The following PDE10A variants were observed in gnomAD, a reference collection of about 807,000 sequenced individuals.
PDE10A encodes the protein cAMP and cAMP-inhibited cGMP 3',5'-cyclic phosphodiesterase 10A.
A neutral mutation model predicts 97.7 loss-of-function variants in PDE10A; 39 were observed. The observed-to-expected ratio is 0.40, with a 90% CI of 0.31 to 0.52. The LOEUF (loss-of-function observed/expected upper bound fraction) is 0.52. Ranked by LOEUF, PDE10A falls within the 20% of genes least tolerant of loss-of-function variation. The pLI, the probability that PDE10A is intolerant of heterozygous loss-of-function variation, is 0.56. For synonymous variants in PDE10A, 371 were observed against 376.8 expected (o/e 0.98, Z 0.18); for missense variants, 731 against 1,047.8 (o/e 0.70, Z 4.17).
Position 165,819,914 on chromosome 6 carries a change from A to G in PDE10A, c.-615+167615T>C, listed in dbSNP as rs1779522180. On this transcript the variant is annotated intron_variant, in intron 1 of 19. Transcript: ENST00000366882. This position sits in a 1 kb window ranked among gnomAD's most constrained non-coding sequence, Gnocchi z 4.2. Reference sequence around the variant, plus strand: ...TTGTATGTAATAATCAGTGGTTAATATGGAATTCAGTAACACAAGGGCACT... The same window carrying G: ...TTGTATGTAATAATCAGTGGTTAATGTGGAATTCAGTAACACAAGGGCACT... Among the ~76,000 whole-genome samples the G allele has an allele frequency of 6.6e-6, 1 of 152,268 alleles. No individual in the cohort carries two copies. Among genetic ancestry groups the G allele is most frequent in the African/African-American group, 2.4e-5 (1 of 41,478 alleles).
chr6:165,489,132 G>A (rs764243836), intron 2 of PDE10A, among the ~76,000 whole-genome samples: 3 of 152,076 alleles, frequency 2.0e-5, no homozygotes, highest in African/African-American at 7.2e-5. Context: ...CTGGCTGGAG[G>A]ACAACCAACA....
At chr6:165,629,732 C>G (rs1788547043) in intron 1 of PDE10A, among the ~76,000 whole-genome samples, 1 of 152,054 alleles carries the variant, frequency 6.6e-6, no homozygotes, top group Non-Finnish European at 1.5e-5. Flanking sequence ...CAAGTTTTCA[C>G]CATATTGCCC....
chr6:165,620,751 A>G (rs2983501), intron 1 of PDE10A, among the ~76,000 whole-genome samples: 29,494 of 152,020 alleles, frequency 0.19, 4,327 homozygotes, highest in African/African-American at 0.42. Flanking sequence ...GACAAAAAGG[A>G]TAGAGAAGGC....
At chr6:165,863,865 A>G (rs1357006705) in intron 1 of PDE10A, among the ~76,000 whole-genome samples, 1 of 152,234 alleles carries the variant, frequency 6.6e-6, no homozygotes, top group African/African-American at 2.4e-5. Context: ...ATGTGCATGA[A>G]TAGGTGACCA....
At chr6:165,778,083 A>G (rs1375861198) in intron 1 of PDE10A, among the ~76,000 whole-genome samples, 1 of 150,774 alleles carries the variant, frequency 6.6e-6, no homozygotes, top group Non-Finnish European at 1.5e-5. Context: ...AATTTTTATT[A>G]TTATTTTTTG....
chr6:165,889,925 ACTCCTCC>A (rs1781737150), intron 1 of PDE10A, among the ~76,000 whole-genome samples: 1 of 5,008 alleles, frequency 2.0e-4, no homozygotes, highest in Non-Finnish European at 3.9e-4. Context: ...CTCACTCCTC[ACTCCTCC>A]CTCACTCCTC....
chr6:165,740,415 C>T (rs1165502360), intron 1 of PDE10A, among the ~76,000 whole-genome samples: 1 of 152,142 alleles, frequency 6.6e-6, no homozygotes, highest in African/African-American at 2.4e-5. Flanking sequence ...ACTGCAACCT[C>T]CGTCCCCCAG....
intron 1 of PDE10A, among the ~76,000 whole-genome samples, chr6:165,611,824 T>A (rs1424551505): frequency 6.6e-6 from 1 of 152,256 alleles, no homozygotes; most frequent in Non-Finnish European, 1.5e-5. Context: ...TTTGATCTCC[T>A]TCGTTCAGAA....
intron 1 of PDE10A, among the ~76,000 whole-genome samples, chr6:165,736,394 A>G (rs1282952650): frequency 6.6e-6 from 1 of 152,258 alleles, no homozygotes; most frequent in East Asian, 1.9e-4. Flanking sequence ...GGTAGGAAGG[A>G]CAGTTTCACA....
intron 1 of PDE10A, among the ~76,000 whole-genome samples, chr6:165,613,817 C>G (rs1787605622): frequency 6.6e-6 from 1 of 152,176 alleles, no homozygotes; most frequent in Admixed American, 6.5e-5. Context: ...CCTTCAGACT[C>G]CAACATTAAC....
intron 1 of PDE10A, among the ~76,000 whole-genome samples, chr6:165,749,389 TCACCATTACCATCAACACCATCACCATC>T (rs1792935757): frequency 1.7e-5 from 1 of 59,476 alleles, no homozygotes; most frequent in Non-Finnish European, 4.1e-5. Context: ...ACCACCATCA[TCACCATTACCATCAACACCATCACCATC>T]ATCACCATCA....
chr6:165,627,914 C>T (rs1284815839), intron 1 of PDE10A, among the ~76,000 whole-genome samples: 1 of 152,216 alleles, frequency 6.6e-6, no homozygotes, highest in African/African-American at 2.4e-5. Context: ...GCTGAAGCCA[C>T]TTACTGGCAA....
At chr6:165,623,514 A>AAC (rs1788245736) in intron 1 of PDE10A, among the ~76,000 whole-genome samples, 1 of 152,098 alleles carries the variant, frequency 6.6e-6, no homozygotes, top group African/African-American at 2.4e-5. Flanking sequence ...GAGAGAAAAA[A>AAC]AACAGATAAA....
At chr6:165,622,338 C>T (rs761600358) in intron 1 of PDE10A, among the ~76,000 whole-genome samples, 16 of 151,968 alleles carry the variant, frequency 1.1e-4, no homozygotes, top group Non-Finnish European at 1.6e-4. Flanking sequence ...ACGTGAGAAA[C>T]GTGTTGCTAG....
At position 165,744,158 on chromosome 6, in the gene PDE10A, T is replaced by G. The variant is rs756317703; in HGVS notation, c.-614-200590A>C. The stretch of plus-strand genomic sequence containing the variant: ...TAAGATGCTAGATTAATTACATATT[T>G]CTGAAACAATTTATTCATTTTTATA... On this transcript the variant is annotated intron_variant, in intron 1 of 19. Coordinates refer to the PDE10A transcript ENST00000366882. 2.6e-4 allele frequency among the ~76,000 whole-genome samples: 40 copies of G among 152,358 alleles called. 1 individual carries two copies. Among genetic ancestry groups the G allele is most frequent in the Middle Eastern group, 3.4e-3 (1 of 294 alleles).
chr6:165,900,661 A>G (rs1782078735), intron 1 of PDE10A, among the ~76,000 whole-genome samples: 1 of 152,136 alleles, frequency 6.6e-6, no homozygotes, highest in Non-Finnish European at 1.5e-5. Context: ...TTCCAAACCC[A>G]GTGAGTATTG....
intron 1 of PDE10A, among the ~76,000 whole-genome samples, chr6:165,927,307 A>G (rs1299160900): frequency 1.3e-5 from 2 of 152,324 alleles, no homozygotes; most frequent in Middle Eastern, 3.4e-3. Context: ...CCATAAGGAT[A>G]TTAGTTACAC....
chr6:165,943,156 A>G (rs1246127578), intron 1 of PDE10A, among the ~76,000 whole-genome samples: 1 of 129,694 alleles, frequency 7.7e-6, no homozygotes, highest in African/African-American at 3.2e-5. Flanking sequence ...AGAGAGAGAG[A>G]GAGAGAAGAA....
intron 2 of PDE10A, among the ~76,000 whole-genome samples, chr6:165,530,810 T>C (rs956251121): frequency 4.6e-5 from 7 of 152,214 alleles, no homozygotes; most frequent in African/African-American, 1.7e-4. Flanking sequence ...TGCTGATGTT[T>C]TGGAGAGGCA....
Sources: allele counts gnomAD v4.1 joint callset (sites outside exome capture counted in the v4.1 genomes callset), GRCh38; gene constraint gnomAD v4.1.1; non-coding constraint Gnocchi (gnomAD v3.1); transcripts MANE v1.5; gene names NCBI Gene and HGNC (gene_info 2026-07-23, HGNC 2026-07-21).